Variants in CADM2 observed in about 807,000 individuals in gnomAD.
CADM2 encodes immunoglobulin superfamily member 4D.
In CADM2, 12 loss-of-function variants were observed where a neutral mutation model predicts 49.8. The observed-to-expected ratio is 0.24, with a 90% CI of 0.15 to 0.39. The LOEUF is 0.39. Ranked by LOEUF, CADM2 falls within the 10% of genes least tolerant of loss-of-function variation. The pLI, the probability that CADM2 is intolerant of heterozygous loss-of-function variation, is 1.00. For missense variants in CADM2, 378 were observed against 492.3 expected (o/e 0.77, Z 2.20); for synonymous variants, 214 against 175.4 (o/e 1.22, Z -1.74).
At chr3:85,706,908 C>T (rs148804391) in intron 1 of CADM2, among the ~76,000 whole-genome samples, 1 of 152,186 alleles carries the variant, frequency 6.6e-6, no homozygotes, top group East Asian at 1.9e-4. Flanking sequence ...TAGAATGGTA[C>T]AAATATAATT....
In CADM2 at chr3:85,944,804, A is replaced by G. The variant is rs571390940; in HGVS notation, c.791+8947A>G. Among the ~76,000 whole-genome samples, 415 of 152,234 alleles carry G rather than the reference A, an allele frequency of 2.7e-3. 1 individual carries two copies. Among genetic ancestry groups the G allele is most frequent in the African/African-American group, 9.8e-3 (406 of 41,562 alleles). ...TGTGTAGAGGGAAATTTATAGCACT[A>G]AAGGCCCACAAGACAAAGTAGGAAA... is the stretch of plus-strand genomic sequence containing the variant. On this transcript the variant is annotated intron_variant, in intron 7 of 9. Coordinates refer to ENST00000383699, the MANE Select transcript of CADM2 (RefSeq NM_001167675.2).
At chr3:85,838,178 A>G (rs1254616119) in intron 3 of CADM2, among the ~76,000 whole-genome samples, 3 of 151,896 alleles carry the variant, frequency 2.0e-5, no homozygotes, top group Admixed American at 2.0e-4. Flanking sequence ...GTGGGATCAC[A>G]TTAAATCACT....
At chr3:85,170,501 G>C (rs536266031) in intron 1 of CADM2, among the ~76,000 whole-genome samples, 1 of 151,984 alleles carries the variant, frequency 6.6e-6, no homozygotes, top group East Asian at 1.9e-4. Flanking sequence ...ACCACGCCCG[G>C]CTAATTTTCG....
intron 6 of CADM2, among the ~76,000 whole-genome samples, chr3:85,934,956 G>A (rs776369292): frequency 5.3e-5 from 8 of 152,050 alleles, no homozygotes; most frequent in South Asian, 2.1e-4. Flanking sequence ...GACTAGCAAA[G>A]CCTCATAAAG....
intron 8 of CADM2, chr3:86,014,068 A>G (rs1731891872): frequency 7.7e-7 from 1 of 1,302,110 alleles, no homozygotes; most frequent in Non-Finnish European, 1.1e-6. Flanking sequence ...CTTTTTCACA[A>G]CGGTTAAGAA....
At chr3:85,719,366 C>CACTG (rs1013192884) in intron 1 of CADM2, among the ~76,000 whole-genome samples, 3 of 152,026 alleles carry the variant, frequency 2.0e-5, no homozygotes, top group African/African-American at 7.3e-5. Context: ...GGGTTAGGGC[C>CACTG]ACTGACTCCC....
chr3:85,320,857 G>A lies in CADM2; in HGVS notation c.61+361189G>A, dbSNP rs111985689. ...CTGCATTTCAGATACCAGTTATTGT[G>A]GTTTATATCTCTGAAAGGAAGTACA... On this transcript the variant is annotated intron_variant, in intron 1 of 9. Transcript: ENST00000383699. Among the ~76,000 whole-genome samples the A allele has an allele frequency of 6.2e-3, 934 of 150,368 alleles. 8 individuals are homozygous for A. Among genetic ancestry groups the A allele is most frequent in the African/African-American group, 0.021 (848 of 41,002 alleles).
At chr3:85,654,062 G>T (rs1471589403) in intron 1 of CADM2, among the ~76,000 whole-genome samples, 6 of 152,224 alleles carry the variant, frequency 3.9e-5, no homozygotes. Flanking sequence ...GGATTTGTGG[G>T]CACCACATAC....
At chr3:85,291,646 A>C (rs1206552170) in intron 1 of CADM2, among the ~76,000 whole-genome samples, 1 of 147,496 alleles carries the variant, frequency 6.8e-6, no homozygotes, top group African/African-American at 2.7e-5. Context: ...ACATTCTTAA[A>C]GAAAAGAATT....
chr3:85,384,469 G>A (rs906797393), intron 1 of CADM2, among the ~76,000 whole-genome samples: 1 of 151,750 alleles, frequency 6.6e-6, no homozygotes, highest in Admixed American at 6.6e-5. Context: ...CCGCCACCAC[G>A]CCCGGCTAAT....
intron 1 of CADM2, among the ~76,000 whole-genome samples, chr3:85,616,159 T>C (rs982788080): frequency 6.6e-6 from 1 of 151,776 alleles, no homozygotes; most frequent in Non-Finnish European, 1.5e-5. Flanking sequence ...AATGTGAAAT[T>C]TGACAGTCAC....
At chr3:85,476,209 T>C (rs1261367790) in intron 1 of CADM2, among the ~76,000 whole-genome samples, 4 of 151,852 alleles carry the variant, frequency 2.6e-5, no homozygotes, top group Non-Finnish European at 4.4e-5. Flanking sequence ...TATGTTGACA[T>C]ACAAAGTTTT....
chr3:85,983,470 T>A (rs1256293576), intron 8 of CADM2, among the ~76,000 whole-genome samples: 1 of 151,644 alleles, frequency 6.6e-6, no homozygotes, highest in Non-Finnish European at 1.5e-5. Flanking sequence ...AGTGTTTTCA[T>A]CAGAAAAACA....
intron 1 of CADM2, among the ~76,000 whole-genome samples, chr3:85,017,045 A>C (rs1229744354): frequency 1.3e-5 from 2 of 152,208 alleles, no homozygotes; most frequent in Non-Finnish European, 2.9e-5. Flanking sequence ...TTGTAATATC[A>C]CTAAGATCCA....
intron 3 of CADM2, among the ~76,000 whole-genome samples, chr3:85,878,801 C>T (rs113824038): frequency 1.4e-4 from 22 of 152,174 alleles, no homozygotes; most frequent in African/African-American, 5.3e-4. Flanking sequence ...AAAATACAGT[C>T]TGGCTAAAAT....
chr3:85,977,661 T>C (rs1375393491), intron 8 of CADM2, among the ~76,000 whole-genome samples: 1 of 151,668 alleles, frequency 6.6e-6, no homozygotes, highest in Non-Finnish European at 1.5e-5. Context: ...TTTGTCCATA[T>C]ACATAATCTT....
chr3:85,608,044 G>A (rs958005472), intron 1 of CADM2, among the ~76,000 whole-genome samples: 2 of 152,094 alleles, frequency 1.3e-5, no homozygotes, highest in Non-Finnish European at 2.9e-5. Context: ...AGTAAAAAAT[G>A]TGATATAATG....
intron 1 of CADM2, among the ~76,000 whole-genome samples, chr3:85,134,082 C>A (rs2039333293): frequency 6.6e-6 from 1 of 152,238 alleles, no homozygotes; most frequent in Admixed American, 6.5e-5. Context: ...ACCCAGTACA[C>A]CCTCCGCAGC....
intron 1 of CADM2, among the ~76,000 whole-genome samples, chr3:85,599,768 A>G (rs1318459453): frequency 6.6e-6 from 1 of 151,990 alleles, no homozygotes; most frequent in Non-Finnish European, 1.5e-5. Context: ...TGTTCTAGAG[A>G]ACAGCAAAAA....
Sources: gnomAD v4.1 joint callset for allele counts (sites outside exome capture counted in the v4.1 genomes callset) on GRCh38, gnomAD v4.1.1 for gene constraint, MANE v1.5 for transcripts, NCBI Gene and HGNC (gene_info 2026-07-23, HGNC 2026-07-21) for gene names.